Variants in MDGA2 observed in about 807,000 individuals in gnomAD.
MDGA2 encodes MAM domain-containing glycosylphosphatidylinositol anchor protein 2.
In MDGA2, 40 loss-of-function variants were observed where a neutral mutation model predicts 117.8. The observed-to-expected ratio is 0.34, with a 90% confidence interval of 0.26 to 0.44. The LOEUF (loss-of-function observed/expected upper bound fraction) is 0.44. MDGA2 is among the 20% of genes least tolerant of loss of function. MDGA2 has a pLI of 1.00. For synonymous variants in MDGA2, 452 were observed against 439.0 expected, an observed-to-expected ratio of 1.03 and a Z score of -0.37; for missense variants, 1,123 against 1,250.6, an observed-to-expected ratio of 0.90 and a Z score of 1.54.
intron 3 of MDGA2, among the ~76,000 whole-genome samples, chr14:47,185,341 T>C (rs967311911): frequency 1.3e-5 from 2 of 151,534 alleles, no homozygotes; most frequent in African/African-American, 4.8e-5. Flanking sequence ...CTTTAATCAC[T>C]TAACATGTAT....
chr14:46,889,699 T>C (rs192412311), intron 10 of MDGA2, among the ~76,000 whole-genome samples: 1 of 152,208 alleles, frequency 6.6e-6, no homozygotes, highest in African/African-American at 2.4e-5. Context: ...CGGTGTGGGA[T>C]TGGTGAATCC....
At chr14:47,623,877 T>C (rs560301073) in intron 1 of MDGA2, among the ~76,000 whole-genome samples, 24 of 152,336 alleles carry the variant, frequency 1.6e-4, no homozygotes, top group South Asian at 8.3e-4. Context: ...AAAACCCAAG[T>C]ATATACTGAA....
Position 46,928,304 on chromosome 14 carries a change from T to C in MDGA2, c.2090-8144A>G, listed in dbSNP as rs375541600. Among the ~76,000 whole-genome samples the C allele has an allele frequency of 1.2e-3, 178 of 152,288 alleles. 1 individual carries two copies. The highest frequency in any genetic ancestry group is 4.1e-3 in the African/African-American group (171 of 41,578). ...ACTGATAAATTTGTAATAATATGTCTAAAGCATTTTTATGATGAACATATA... is the reference window on the plus strand; with the variant it reads ...ACTGATAAATTTGTAATAATATGTCCAAAGCATTTTTATGATGAACATATA... On this transcript the variant is annotated intron_variant, in intron 9 of 16. Coordinates refer to ENST00000399232, the MANE Select transcript of MDGA2 (RefSeq NM_001113498.3).
intron 2 of MDGA2, among the ~76,000 whole-genome samples, chr14:47,240,067 G>A (rs1886989342): frequency 1.3e-5 from 2 of 151,404 alleles, no homozygotes; most frequent in South Asian, 4.2e-4. Flanking sequence ...TTTTTTTTGA[G>A]ACAGTCTTGC....
chr14:46,990,819 G>A (rs1887058348), intron 8 of MDGA2, among the ~76,000 whole-genome samples: 1 of 151,386 alleles, frequency 6.6e-6, no homozygotes, highest in Admixed American at 6.6e-5. Context: ...TAAACATCAA[G>A]CTTCTAGTTA....
chr14:47,034,678 G>A (rs540012141), intron 8 of MDGA2, among the ~76,000 whole-genome samples: 1 of 151,362 alleles, frequency 6.6e-6, no homozygotes. Flanking sequence ...TTTGCTTATT[G>A]CACATGGACA....
At chr14:47,289,909 T>G (rs1888820945) in intron 2 of MDGA2, among the ~76,000 whole-genome samples, 1 of 152,150 alleles carries the variant, frequency 6.6e-6, no homozygotes, top group Admixed American at 6.6e-5. Flanking sequence ...CAGATCCATT[T>G]TCTGAGCTCC....
chr14:47,361,213 A>G (rs201762358), intron 1 of MDGA2, among the ~76,000 whole-genome samples: 2 of 134,220 alleles, frequency 1.5e-5, no homozygotes, highest in Non-Finnish European at 3.2e-5. Context: ...CTCTCTATAT[A>G]TATATATATA....
chr14:47,278,688 A>G (rs1323245974), intron 2 of MDGA2, among the ~76,000 whole-genome samples: 1 of 152,196 alleles, frequency 6.6e-6, no homozygotes, highest in Non-Finnish European at 1.5e-5. Context: ...TCAATTTTTA[A>G]ATTTAAGGTA....
intron 3 of MDGA2, among the ~76,000 whole-genome samples, chr14:47,188,376 G>A (rs1884988858): frequency 6.6e-6 from 1 of 152,210 alleles, no homozygotes; most frequent in Non-Finnish European, 1.5e-5. Flanking sequence ...TATGTTGTGT[G>A]CTGCCACATG....
chr14:47,065,279 A>G (rs747841047), intron 6 of MDGA2, among the ~76,000 whole-genome samples: 5 of 152,132 alleles, frequency 3.3e-5, no homozygotes, highest in African/African-American at 1.2e-4. Context: ...AGGACATTCT[A>G]ATTGCACTTA....
intron 8 of MDGA2, among the ~76,000 whole-genome samples, chr14:46,980,540 A>G (rs942205677): frequency 1.3e-5 from 2 of 152,204 alleles, no homozygotes; most frequent in Non-Finnish European, 2.9e-5. Context: ...ATTTTGAAAG[A>G]AGTTTTACTG....
intron 1 of MDGA2, among the ~76,000 whole-genome samples, chr14:47,588,605 T>G (rs1336292136): frequency 6.6e-6 from 1 of 151,896 alleles, no homozygotes; most frequent in East Asian, 1.9e-4. Flanking sequence ...AGTTTTAAAG[T>G]TCTTTATATT....
At chr14:47,629,447 A>G (rs1897213769) in intron 1 of MDGA2, among the ~76,000 whole-genome samples, 1 of 152,206 alleles carries the variant, frequency 6.6e-6, no homozygotes, top group Admixed American at 6.5e-5. Flanking sequence ...AAAAGGAAAT[A>G]GTGGAGGGCA....
intron 1 of MDGA2, among the ~76,000 whole-genome samples, chr14:47,402,385 A>C (rs981758432): frequency 7.0e-6 from 1 of 143,050 alleles, no homozygotes; most frequent in African/African-American, 2.6e-5. Context: ...AGGAGAAAAG[A>C]AAAGCCATAA....
chr14:47,389,999 G>A (rs797017501), intron 1 of MDGA2, among the ~76,000 whole-genome samples: 1 of 152,126 alleles, frequency 6.6e-6, no homozygotes. Flanking sequence ...GCTACCCATG[G>A]AAGTAGAGGA....
Position 47,072,659 on chromosome 14 carries a change from C to A in MDGA2, c.1196-11081G>T, listed in dbSNP as rs933969852. On this transcript the variant is annotated intron_variant, in intron 6 of 16. Transcript: ENST00000399232. ...TATTGGATGACACCCCAGGCCCAATCCTCAGGTTTTGGTATAGAGTCCAGC... is the reference window on the plus strand; with the variant it reads ...TATTGGATGACACCCCAGGCCCAATACTCAGGTTTTGGTATAGAGTCCAGC... Among the ~76,000 whole-genome samples, 3 of 152,130 alleles carry A rather than the reference C, an allele frequency of 2.0e-5. No homozygotes were observed. The South Asian group carries it at 6.2e-4, about 32-fold the overall frequency.
At chr14:47,589,608 A>T (rs1200222028) in intron 1 of MDGA2, among the ~76,000 whole-genome samples, 3 of 151,930 alleles carry the variant, frequency 2.0e-5, no homozygotes, top group African/African-American at 7.2e-5. Context: ...TGAATCCTCC[A>T]AATTTGTTAG....
At chr14:46,883,142 A>G (rs180839136) in intron 10 of MDGA2, among the ~76,000 whole-genome samples, 9 of 152,210 alleles carry the variant, frequency 5.9e-5, no homozygotes, top group Admixed American at 5.2e-4. Flanking sequence ...TAAACCAAAA[A>G]GGATGGTACA....
Sources: allele counts gnomAD v4.1 joint callset (sites outside exome capture counted in the v4.1 genomes callset), GRCh38; gene constraint gnomAD v4.1.1; transcripts MANE v1.5; gene names NCBI Gene and HGNC (gene_info 2026-07-23, HGNC 2026-07-21).